Variants in ZNF384 observed in about 807,000 individuals in gnomAD.
The protein encoded by ZNF384 is CAG repeat protein 1.
ZNF384 carries 20 observed loss-of-function variants against 65.0 expected under a neutral mutation model. That is an observed-to-expected ratio of 0.31 (90% CI 0.22 to 0.45). The LOEUF (loss-of-function observed/expected upper bound fraction) is 0.45. ZNF384 is among the 20% of genes least tolerant of loss of function. The pLI is 1.00. For synonymous variants in ZNF384, 310 were observed against 303.9 expected (o/e 1.02, Z -0.21); for missense variants, 549 against 769.4 (o/e 0.71, Z 3.39).
At chr12:6,685,678 C>T (rs539781132) in intron 2 of ZNF384, among the ~76,000 whole-genome samples, 112 of 146,354 alleles carry the variant, frequency 7.7e-4, no homozygotes, top group Non-Finnish European at 1.3e-3. Flanking sequence ...GAGGCTGAGA[C>T]AGGGAATTGC....
intron 2 of ZNF384, among the ~76,000 whole-genome samples, chr12:6,684,929 G>T (rs1957357088): frequency 6.6e-6 from 1 of 152,100 alleles, no homozygotes; most frequent in Non-Finnish European, 1.5e-5. Context: ...TTTCGTGGAG[G>T]AAATTTCTCC....
Position 6,678,891 on chromosome 12 carries a change from G to C in ZNF384, c.304+55C>G, listed in dbSNP as rs763516078. 5 of 1,575,230 alleles carry C rather than the reference G, an allele frequency of 3.2e-6. No individual in the cohort carries two copies. Among genetic ancestry groups the C allele is most frequent in the Admixed American group, 3.4e-5 (2 of 59,460 alleles). On this transcript the variant is annotated intron_variant, in intron 4 of 11. Transcript: ENST00000683879. The surrounding 1 kb of genome is among the most constrained non-coding windows in gnomAD (Gnocchi z 4.9). ...ATGTCCTTGGAGCCCTCCAGCCTGG[G>C]GTACTGATCATGGAAGATCAACACC... is the stretch of plus-strand genomic sequence containing the variant.
rs1391968326 is a variant in ZNF384 at position 6,678,436 on chromosome 12, G to A, written c.377C>T (p.Pro126Leu). 1.3e-6 allele frequency: 2 copies of A among 1,593,444 alleles called. No homozygotes were observed. Among genetic ancestry groups the A allele is most frequent in the South Asian group, 1.1e-5 (1 of 89,226 alleles). The change falls in exon 6 of 12, where the codon CCC (proline) becomes CTC (leucine). Residue 126 changes from proline (P) to leucine (L), a missense_variant. Transcript: ENST00000683879. This position sits in a 1 kb window ranked among gnomAD's most constrained non-coding sequence, Gnocchi z 4.9. ...TGCTGTGGTCACAAGAGAGCCTGAG[G>A]GGGACGTGATTACCAAACCCGGACC... is the stretch of plus-strand genomic sequence containing the variant. Reference protein sequence around the residue: ...SRGPGLVITSPSGSLVTTASS... With the variant: ...SRGPGLVITSLSGSLVTTASS...
intron 10 of ZNF384, among the ~76,000 whole-genome samples, 155 bp from the exon 11 acceptor site, chr12:6,669,344 T>A (rs560480855): frequency 2.0e-5 from 3 of 152,166 alleles, no homozygotes; most frequent in Admixed American, 6.5e-5. Flanking sequence ...CTTGAGAAGC[T>A]ACAGGCTAAG....
chr12:6,668,899 T>TTA, intron 11 of ZNF384, 132 bp downstream of exon 11: 2 of 913,418 alleles, frequency 2.2e-6, no homozygotes, highest in Non-Finnish European at 3.1e-6. Context: ...TTCTGAATAT[T>TTA]TACCTGTTCT....
At chr12:6,687,087 T>C (rs932280974) in intron 2 of ZNF384, among the ~76,000 whole-genome samples, 1 of 152,200 alleles carries the variant, frequency 6.6e-6, no homozygotes, top group Admixed American at 6.5e-5. Context: ...CAAAATCTCT[T>C]TCTCTCAGGG....
In ZNF384 at chr12:6,667,625, G is replaced by A; in HGVS notation, c.*89C>T. 6.4e-7 allele frequency: 1 copy of A among 1,571,408 alleles called. No homozygotes were observed. Among genetic ancestry groups the A allele is most frequent in the Non-Finnish European group, 8.7e-7 (1 of 1,146,594 alleles). On this transcript the variant is annotated 3_prime_UTR_variant, in exon 12 of 12. Transcript: ENST00000683879. ...AGGAGATGGAGCCAAGGCCTGTCAAGGAAGAAAAGGACTTTTCCCACCAAG... is the reference window on the plus strand; with the variant it reads ...AGGAGATGGAGCCAAGGCCTGTCAAAGAAGAAAAGGACTTTTCCCACCAAG...
chr12:6,668,163 G>T (rs746536037), intron 11 of ZNF384, 48 bp from the exon 12 acceptor site: 2 of 1,509,666 alleles, frequency 1.3e-6, no homozygotes, highest in South Asian at 1.3e-5. Flanking sequence ...GGAAGGAAAA[G>T]AGATTACTTG....
intron 7 of ZNF384, among the ~76,000 whole-genome samples, chr12:6,675,740 A>G (rs1239161692): frequency 6.6e-6 from 1 of 152,238 alleles, no homozygotes; most frequent in African/African-American, 2.4e-5. Context: ...AATTACAAGT[A>G]TGGCCACTTT....
In ZNF384 at chr12:6,681,074, C is replaced by T. The variant is rs576705843; in HGVS notation, c.-5-1549G>A. ...TCTACTAAAAGTACAAGAAATTAGC[C>T]GGGGCATGGTGGCGCATGCCTGTAA... On this transcript the variant is annotated intron_variant, in intron 2 of 11. Transcript: ENST00000683879. Among the ~76,000 whole-genome samples the T allele has an allele frequency of 4.6e-5, 7 of 152,068 alleles. 1 individual carries two copies. In the South Asian group the frequency reaches 8.3e-4, roughly 18 times the overall value.
chr12:6,673,153 G>A lies in ZNF384; in HGVS notation c.1004+63C>T. On this transcript the variant is annotated intron_variant, in intron 8 of 11. Transcript: ENST00000683879. This position sits in a 1 kb window ranked among gnomAD's most constrained non-coding sequence, Gnocchi z 4.7. ...ATAATACATGTGGAGAGAGGAGTAG[G>A]TGCAGGCAACATGGTCTTAGGGTTC... is the stretch of plus-strand genomic sequence containing the variant. 1 of 1,453,522 alleles carries A rather than the reference G, an allele frequency of 6.9e-7. No homozygotes were observed. The highest frequency in any genetic ancestry group is 9.5e-7 in the Non-Finnish European group (1 of 1,048,374). 90.0% of individuals were successfully genotyped at this position (1,453,522 alleles called of 1,614,324 possible). A position where few individuals can be genotyped will look rare whatever the true frequency, so the allele number is the denominator to read the frequency against.
In ZNF384 at chr12:6,666,742, CAG is replaced by C. The variant is rs1166499694; in HGVS notation, c.*970_*971del. On this transcript the variant is annotated 3_prime_UTR_variant, in exon 12 of 12. Coordinates refer to ENST00000683879, the MANE Select transcript of ZNF384 (RefSeq NM_001385745.1). ...ACAAAACATCAAATATGAAAATTCT[CAG>C]AGATAATGCATTTATAAACACAGAA... The C allele has an allele frequency of 1.8e-5, 3 of 170,280 alleles. No homozygotes were observed. Among genetic ancestry groups the C allele is most frequent in the Non-Finnish European group, 3.8e-5 (3 of 79,192 alleles). 10.5% of individuals were successfully genotyped at this position (170,280 alleles called of 1,614,324 possible).
intron 10 of ZNF384, 108 bp downstream of exon 10, chr12:6,670,652 A>C: frequency 9.5e-7 from 1 of 1,051,728 alleles, no homozygotes; most frequent in Non-Finnish European, 1.5e-6. Context: ...GGGTCCCTCA[A>C]TAATGTTTGA....
At chr12:6,671,100 C>A (rs1443374916) in intron 9 of ZNF384, among the ~76,000 whole-genome samples, 4 of 152,192 alleles carry the variant, frequency 2.6e-5, no homozygotes, top group African/African-American at 9.6e-5. Flanking sequence ...GAACAGGCAG[C>A]CCACAATTTG....
chr12:6,684,198 A>G (rs1014069239), intron 2 of ZNF384, among the ~76,000 whole-genome samples: 3 of 152,204 alleles, frequency 2.0e-5, no homozygotes. Context: ...ACAGAGTCCA[A>G]CAGTAAATAG....
chr12:6,687,416 A>G (rs1958326346), intron 2 of ZNF384, among the ~76,000 whole-genome samples: 1 of 152,128 alleles, frequency 6.6e-6, no homozygotes, highest in South Asian at 2.1e-4. Flanking sequence ...AAATAAATAA[A>G]TAAGACTGGA....
At chr12:6,670,896 C>T in intron 9 of ZNF384, 58 bp from the exon 10 acceptor site, 3 of 1,501,336 alleles carry the variant, frequency 2.0e-6, no homozygotes, top group Non-Finnish European at 1.9e-6. Flanking sequence ...TAGGAACTGG[C>T]TCAACAAATC....
rs371923956 is a variant in ZNF384, at chr12:6,673,190, G to A, written c.1004+26C>T. The A allele has an allele frequency of 1.6e-5, 25 of 1,605,718 alleles. No homozygotes were observed. The highest frequency in any genetic ancestry group is 1.3e-4 in the African/African-American group (10 of 74,914). ...TGGTCTTAGGGTTCACGGCCAGGTG[G>A]TGGGGTAAACCAAGAGCAGCCTTAC... is the stretch of plus-strand genomic sequence containing the variant. On this transcript the variant is annotated intron_variant, in intron 8 of 11. Transcript: ENST00000683879. This position sits in a 1 kb window ranked among gnomAD's most constrained non-coding sequence, Gnocchi z 4.7.
chr12:6,679,390 C>T, intron 3 of ZNF384, 65 bp downstream of exon 3: 1 of 1,467,730 alleles, frequency 6.8e-7, no homozygotes, highest in East Asian at 2.3e-5. Context: ...GGTGTACCTT[C>T]AGTCTCCATA....
Sources: gnomAD v4.1 joint callset for allele counts (sites outside exome capture counted in the v4.1 genomes callset) on GRCh38, gnomAD v4.1.1 for gene constraint, Gnocchi (gnomAD v3.1) non-coding constraint, MANE v1.5 for transcripts, NCBI Gene and HGNC (gene_info 2026-07-23, HGNC 2026-07-21) for gene names.